The following LAMA3 variants were observed in gnomAD, a reference collection of about 807,000 sequenced individuals.
LAMA3 encodes the protein laminin subunit alpha-3.
LAMA3 carries 281 observed loss-of-function variants against 402.0 expected under a neutral mutation model. The ratio of observed to expected loss-of-function variants is 0.70; its 90% CI spans 0.63 to 0.77. The LOEUF is 0.77. LAMA3 is among the 30% of genes least tolerant of loss of function. The probability of loss-of-function intolerance (pLI) is 0.00; values close to 1 mark genes in which losing one functional copy is unlikely to be tolerated. For synonymous variants in LAMA3, 1,431 were observed against 1,558.4 expected (o/e 0.92, Z 1.93); for missense variants, 3,840 against 4,215.5 (o/e 0.91, Z 2.47).
intron 66 of LAMA3, 152 bp downstream of exon 66, chr18:23,932,443 T>C (rs1005464622): frequency 1.2e-6 from 1 of 823,114 alleles, no homozygotes; most frequent in Admixed American, 2.5e-5. Flanking sequence ...TTTGGCAAGA[T>C]ACACCCATTA....
intron 29 of LAMA3, 26 bp downstream of exon 29, chr18:23,842,776 G>A: frequency 6.2e-7 from 1 of 1,613,888 alleles, no homozygotes; most frequent in Non-Finnish European, 8.5e-7. Flanking sequence ...TCCTCAACTT[G>A]CTCCTCACAT....
intron 23 of LAMA3, among the ~76,000 whole-genome samples, chr18:23,828,830 C>A (rs934271978): frequency 6.6e-5 from 10 of 152,182 alleles, no homozygotes; most frequent in African/African-American, 2.4e-4. Context: ...ACTTTTAAAA[C>A]TTTTCAATTG....
Position 23,946,209 on chromosome 18 carries a change from A to C in LAMA3, c.9276A>C (p.Gly3092=). 2 of 1,614,026 alleles carry C rather than the reference A, an allele frequency of 1.2e-6. No homozygotes were observed. Among genetic ancestry groups the C allele is most frequent in the Non-Finnish European group, 1.7e-6 (2 of 1,179,970 alleles). Reference sequence around the variant, plus strand: ...TGGATGGACTGAGGGCCCGGGAGGGAAGTTTGCCTGGAAACTCCACCATCA... The same window carrying C: ...TGGATGGACTGAGGGCCCGGGAGGGCAGTTTGCCTGGAAACTCCACCATCA... ...LVVDGLRARE[G]SLPGNSTISI... is the part of the protein sequence containing the mutation. Residue 3092 remains glycine, a synonymous_variant, in exon 70 of 75, where the codon GGA becomes GGC. Coordinates refer to ENST00000313654, the MANE Select transcript of LAMA3 (RefSeq NM_198129.4).
At position 23,847,644 on chromosome 18, in the gene LAMA3, G is replaced by A; in HGVS notation, c.4112G>A (p.Cys1371Tyr). ...RGTIEAAMPE[C>Y]DRDSGQCRCK... is the part of the protein sequence containing the mutation. The stretch of plus-strand genomic sequence containing the variant: ...ACCATCGAGGCTGCCATGCCGGAGT[G>A]TGACCGGGACAGCGGGCAGTGCAGG... Residue 1371 changes from cysteine (C) to tyrosine (Y), a missense_variant, in exon 32 of 75, where the codon TGT (cysteine) becomes TAT (tyrosine). Cys to Tyr is a radical substitution (Grantham distance 194). Around this residue, in one of 3 missense-constraint regions of LAMA3, gnomAD observed 2,109 missense variants for 2,376.0 expected, o/e 0.89. Coordinates refer to ENST00000313654, the MANE Select transcript of LAMA3 (RefSeq NM_198129.4). The A allele has an allele frequency of 1.9e-6, 3 of 1,613,978 alleles. No homozygotes were observed. Among genetic ancestry groups the A allele is most frequent in the Non-Finnish European group, 2.5e-6 (3 of 1,180,012 alleles).
chr18:23,786,354 G>C (rs931839226), intron 12 of LAMA3, among the ~76,000 whole-genome samples: 2 of 152,126 alleles, frequency 1.3e-5, no homozygotes, highest in African/African-American at 4.8e-5. Context: ...TCAACCTTCT[G>C]CAGTCCTGTA....
At chr18:23,858,067 T>C in intron 33 of LAMA3, 79 bp downstream of exon 33, 1 of 1,551,338 alleles carries the variant, frequency 6.4e-7, no homozygotes, top group Non-Finnish European at 8.9e-7. Context: ...CATAGAAAAG[T>C]ATGTGGGAAA....
At chr18:23,923,009 C>A (rs1260331025) in intron 62 of LAMA3, among the ~76,000 whole-genome samples, 1 of 152,188 alleles carries the variant, frequency 6.6e-6, no homozygotes, top group Non-Finnish European at 1.5e-5. Context: ...GGAACCTAAT[C>A]CAACTGGGGC....
intron 20 of LAMA3, 84 bp downstream of exon 20, chr18:23,822,459 A>G: frequency 7.0e-7 from 1 of 1,436,148 alleles, no homozygotes; most frequent in South Asian, 1.2e-5. Context: ...CACAAAGTTG[A>G]TCACCCTTAG....
In LAMA3 at chr18:23,914,326, A is replaced by C. The variant is rs138362925; in HGVS notation, c.7330-84A>C. 1.5e-5 allele frequency: 21 copies of C among 1,447,466 alleles called. No homozygotes were observed. In the African/African-American group the frequency reaches 2.7e-4, roughly 18 times the overall value. 89.7% of individuals were successfully genotyped at this position (1,447,466 alleles called of 1,614,324 possible). On this transcript the variant is annotated intron_variant, in intron 56 of 74. Coordinates refer to ENST00000313654, the MANE Select transcript of LAMA3 (RefSeq NM_198129.4). ...GCTTATTGCCTAAAACCCATTAGTTATTTGAAATGCATCCTCATCCTCTTG... is the reference window on the plus strand; with the variant it reads ...GCTTATTGCCTAAAACCCATTAGTTCTTTGAAATGCATCCTCATCCTCTTG...
At position 23,773,494 on chromosome 18, in the gene LAMA3, T is replaced by C; in HGVS notation, c.1183-3T>C. ...CCTTTAAGTTTCTTTTGTTTCTTTC[T>C]AGCACAACACAGCTGGAGTAAACTG... On this transcript the variant is annotated splice_region_variant and splice_polypyrimidine_tract_variant and intron_variant, in intron 8 of 74. Transcript: ENST00000313654. 1 of 1,583,330 alleles carries C rather than the reference T, an allele frequency of 6.3e-7. No individual in the cohort carries two copies. The highest frequency in any genetic ancestry group is 8.6e-7 in the Non-Finnish European group (1 of 1,159,924).
At chr18:23,857,523 G>T (rs1172001213) in intron 32 of LAMA3, among the ~76,000 whole-genome samples, 1 of 152,242 alleles carries the variant, frequency 6.6e-6, no homozygotes, top group African/African-American at 2.4e-5. Flanking sequence ...TGTGTAGGTT[G>T]TCATCATTTC....
At position 23,912,739 on chromosome 18, in the gene LAMA3, A is replaced by C; in HGVS notation, c.7187A>C (p.Lys2396Thr). The change falls in exon 56 of 75, where the codon AAA becomes ACA. Residue 2396 changes from lysine to threonine, a missense_variant. Physicochemically the swap from Lys to Thr is moderately conservative, Grantham distance 78. Coordinates refer to ENST00000313654, the MANE Select transcript of LAMA3 (RefSeq NM_198129.4). Reference protein sequence around the residue: ...KVAVPMRFNGKSGVEVRLPND... With the variant: ...KVAVPMRFNGTSGVEVRLPND... Reference sequence around the variant, plus strand: ...GCTGTCCCCATGAGGTTCAATGGTAAATCTGGAGTCGAAGTCCGACTGCCA... The same window carrying C: ...GCTGTCCCCATGAGGTTCAATGGTACATCTGGAGTCGAAGTCCGACTGCCA... 1 of 1,614,156 alleles carries C rather than the reference A, an allele frequency of 6.2e-7. No homozygotes were observed. Among genetic ancestry groups the C allele is most frequent in the Non-Finnish European group, 8.5e-7 (1 of 1,179,996 alleles).
chr18:23,842,552 G>A (rs1282817744), intron 28 of LAMA3, 31 bp downstream of exon 28: 1 of 1,614,224 alleles, frequency 6.2e-7, no homozygotes, highest in Admixed American at 1.7e-5. Flanking sequence ...CCTGCTGCCT[G>A]CCTCAGGCTG....
chr18:23,789,706 A>G (rs766567026), intron 12 of LAMA3, among the ~76,000 whole-genome samples: 24 of 152,164 alleles, frequency 1.6e-4, no homozygotes, highest in Non-Finnish European at 3.4e-4. Context: ...GATTTCTTTT[A>G]GGGGGAACGA....
chr18:23,914,333 A>G, intron 56 of LAMA3, 77 bp from the exon 57 acceptor site: 4 of 1,501,396 alleles, frequency 2.7e-6, no homozygotes, highest in South Asian at 1.1e-5. Context: ...GTTATTTGAA[A>G]TGCATCCTCA....
chr18:23,693,616 C>T (rs2060633341), intron 1 of LAMA3, among the ~76,000 whole-genome samples: 1 of 151,456 alleles, frequency 6.6e-6, no homozygotes, highest in Non-Finnish European at 1.5e-5. Flanking sequence ...ATACAGACTT[C>T]TATAGCCTTC....
intron 7 of LAMA3, among the ~76,000 whole-genome samples, chr18:23,760,948 G>A (rs991529728): frequency 6.6e-6 from 1 of 152,110 alleles, no homozygotes; most frequent in African/African-American, 2.4e-5. Flanking sequence ...ACCTCCCAGA[G>A]GGCCCATCTC....
Position 23,689,458 on chromosome 18 carries a change from C to G in LAMA3, c.-226C>G. 3 of 372,636 alleles carry G rather than the reference C, an allele frequency of 8.1e-6. No individual in the cohort carries two copies. Among genetic ancestry groups the G allele is most frequent in the East Asian group, 4.1e-5 (1 of 24,510 alleles). The allele number at this position is 372,636 out of a possible 1,614,324, so 23.1% of individuals were successfully genotyped here. ...GCGCGCGGCTGAGCGCTGTCAGTTC[C>G]TGATCCGGCTGGTGCCCGCTCCAGC... On this transcript the variant is annotated 5_prime_UTR_variant, in exon 1 of 75. Coordinates refer to ENST00000313654, the MANE Select transcript of LAMA3 (RefSeq NM_198129.4).
Position 23,689,783 on chromosome 18 carries a change from G to T in LAMA3, c.100G>T (p.Ala34Ser). The change falls in exon 1 of 75, where the codon GCG becomes TCG. Residue 34 changes from alanine to serine, a missense_variant. By Grantham distance (99) the Ala-to-Ser change is moderately conservative. Coordinates refer to ENST00000313654, the MANE Select transcript of LAMA3 (RefSeq NM_198129.4). The part of the protein sequence containing the change: ...LVLRVLPACG[A>S]TARDPGAAAG... ...ACTGCGGGTGCTGCCAGCCTGCGGGGCGACCGCTCGGGATCCCGGGGCCGC... is the reference window on the plus strand; with the variant it reads ...ACTGCGGGTGCTGCCAGCCTGCGGGTCGACCGCTCGGGATCCCGGGGCCGC... 6.5e-7 allele frequency: 1 copy of T among 1,532,008 alleles called. No individual in the cohort carries two copies. Among genetic ancestry groups the T allele is most frequent in the South Asian group, 1.2e-5 (1 of 82,206 alleles). 94.9% of individuals were successfully genotyped at this position (1,532,008 alleles called of 1,614,324 possible).
Sources: gnomAD v4.1 joint callset for allele counts (sites outside exome capture counted in the v4.1 genomes callset) on GRCh38, gnomAD v4.1.1 for gene constraint, gnomAD v4.1.1 regional missense constraint, MANE v1.5 for transcripts, NCBI Gene and HGNC (gene_info 2026-07-23, HGNC 2026-07-21) for gene names.